Variants in LYRM7 observed in about 807,000 individuals in gnomAD.
LYRM7 encodes the protein LYR motif containing 7.
LYRM7 carries 9 observed loss-of-function variants against 15.8 expected under a neutral mutation model. The ratio of observed to expected loss-of-function variants is 0.57; its 90% confidence interval spans 0.34 to 0.99. LYRM7 has a LOEUF of 0.99. LYRM7 is among the 50% of genes least tolerant of loss of function. The probability of loss-of-function intolerance (pLI) is 0.02; values close to 1 mark genes in which losing one functional copy is unlikely to be tolerated. For synonymous variants in LYRM7, 39 were observed against 39.4 expected (o/e 0.99, Z 0.04); for missense variants, 115 against 119.1 (o/e 0.97, Z 0.16).
intron 3 of LYRM7, among the ~76,000 whole-genome samples, chr5:131,185,217 CTT>C (rs1755778767): frequency 6.6e-6 from 1 of 152,088 alleles, no homozygotes; most frequent in South Asian, 2.1e-4. Context: ...CCCCATGACT[CTT>C]CATCTCATTC....
chr5:131,199,748 T>A lies in LYRM7; in HGVS notation c.*147T>A. Reference sequence around the variant, plus strand: ...ATAGCTTCATATTTAAATTTCATGTTAAAAGGTCATTACTGAGAACTAAAG... The same window carrying A: ...ATAGCTTCATATTTAAATTTCATGTAAAAAGGTCATTACTGAGAACTAAAG... On this transcript the variant is annotated 3_prime_UTR_variant, in exon 5 of 5. Coordinates refer to ENST00000379380, the MANE Select transcript of LYRM7 (RefSeq NM_181705.4). 1 of 474,130 alleles carries A rather than the reference T, an allele frequency of 2.1e-6. No homozygotes were observed. Among genetic ancestry groups the A allele is most frequent in the Non-Finnish European group, 3.8e-6 (1 of 264,186 alleles). 29.4% of individuals were successfully genotyped at this position (474,130 alleles called of 1,614,324 possible). A position where few individuals can be genotyped will look rare whatever the true frequency, so the allele number is the denominator to read the frequency against.
chr5:131,195,018 C>T (rs1416456765), intron 4 of LYRM7, among the ~76,000 whole-genome samples: 1 of 152,162 alleles, frequency 6.6e-6, no homozygotes, highest in Non-Finnish European at 1.5e-5. Context: ...TATCCCGGCA[C>T]TTTGGGAGGC....
chr5:131,196,307 G>A (rs1057337913), intron 4 of LYRM7, among the ~76,000 whole-genome samples: 1 of 151,576 alleles, frequency 6.6e-6, no homozygotes, highest in Non-Finnish European at 1.5e-5. Context: ...GTGAACCACC[G>A]TGCTTGGCTT....
rs758634415 is a variant in LYRM7 at position 131,200,623 on chromosome 5, A to G, written c.*1022A>G. The G allele has an allele frequency of 6.6e-6, 1 of 152,314 alleles. No individual in the cohort carries two copies. The highest frequency in any genetic ancestry group is 1.5e-5 in the Non-Finnish European group (1 of 68,028). The allele number at this position is 152,314 out of a possible 1,614,324, so 9.4% of individuals were successfully genotyped here. A position where few individuals can be genotyped will look rare whatever the true frequency, so the allele number is the denominator to read the frequency against. On this transcript the variant is annotated 3_prime_UTR_variant, in exon 5 of 5. Transcript: ENST00000379380. ...ATGATACAGGGTTTTTAATTTTTGCAAGATTCTCAATGCAAGCATTGTTAT... is the reference window on the plus strand; with the variant it reads ...ATGATACAGGGTTTTTAATTTTTGCGAGATTCTCAATGCAAGCATTGTTAT...
chr5:131,183,462 CTT>C (rs1471127836), intron 3 of LYRM7, among the ~76,000 whole-genome samples: 4 of 152,214 alleles, frequency 2.6e-5, no homozygotes, highest in Non-Finnish European at 4.4e-5. Flanking sequence ...TGATTAAAGA[CTT>C]TTAAATTGAG....
intron 1 of LYRM7, among the ~76,000 whole-genome samples, chr5:131,178,551 A>G (rs1755634864): frequency 6.6e-6 from 1 of 152,180 alleles, no homozygotes. Flanking sequence ...ATATCACTAA[A>G]GCCTCTTCAC....
chr5:131,185,499 C>G (rs1755783889), intron 3 of LYRM7, among the ~76,000 whole-genome samples: 1 of 152,208 alleles, frequency 6.6e-6, no homozygotes, highest in African/African-American at 2.4e-5. Context: ...TTTACCCATG[C>G]ATGATTTTGT....
chr5:131,181,383 T>A (rs1338400262), intron 2 of LYRM7, among the ~76,000 whole-genome samples: 13 of 80,906 alleles, frequency 1.6e-4, no homozygotes, highest in African/African-American at 9.5e-4. Flanking sequence ...GTATATATAA[T>A]ATATACATAT....
At chr5:131,182,099 T>C (rs965918249) in intron 2 of LYRM7, 130 bp from the exon 3 acceptor site, 14 of 802,432 alleles carry the variant, frequency 1.7e-5, no homozygotes, top group East Asian at 5.1e-5. Context: ...CTTATTCTTA[T>C]GCTTTGTTTT....
At chr5:131,181,368 T>C (rs1421249031) in intron 2 of LYRM7, among the ~76,000 whole-genome samples, 3 of 30,564 alleles carry the variant, frequency 9.8e-5, no homozygotes, top group African/African-American at 9.6e-4. Flanking sequence ...TATTAACATA[T>C]ATATGTATAT....
chr5:131,175,197 C>CT (rs59140330), intron 1 of LYRM7, among the ~76,000 whole-genome samples: 16,405 of 125,594 alleles, frequency 0.13, 2,438 homozygotes, highest in African/African-American at 0.35. Context: ...GCTTCAATCT[C>CT]TTTTTTTTTT....
chr5:131,198,692 G>A (rs1756010638), intron 4 of LYRM7, among the ~76,000 whole-genome samples: 1 of 151,346 alleles, frequency 6.6e-6, no homozygotes, highest in African/African-American at 2.4e-5. Flanking sequence ...TCATTCTCCT[G>A]AGTAGCTGGG....
At chr5:131,186,981 A>G (rs1159414879) in intron 3 of LYRM7, 47 bp from the exon 4 acceptor site, 2 of 1,077,564 alleles carry the variant, frequency 1.9e-6, no homozygotes, top group African/African-American at 1.6e-5. Context: ...GTACATTCAT[A>G]TGAAACACCT....
chr5:131,192,321 T>A (rs189831821), intron 4 of LYRM7, among the ~76,000 whole-genome samples: 85 of 152,244 alleles, frequency 5.6e-4, no homozygotes, highest in Middle Eastern at 3.4e-3. Context: ...GGTCCAAAAT[T>A]ACAATTAGCT....
intron 4 of LYRM7, among the ~76,000 whole-genome samples, chr5:131,196,437 G>A (rs1377702852): frequency 6.6e-6 from 1 of 152,090 alleles, no homozygotes; most frequent in South Asian, 2.1e-4. Context: ...TGTCTATTCG[G>A]TGTTACTTCC....
At chr5:131,181,364 CAT>C (rs1380698374) in intron 2 of LYRM7, among the ~76,000 whole-genome samples, 1 of 22,140 alleles carries the variant, frequency 4.5e-5, no homozygotes, top group Non-Finnish European at 6.7e-5. Flanking sequence ...TATATATTAA[CAT>C]ATATATGTAT....
rs768718160 is a variant in LYRM7 at position 131,204,964 on chromosome 5, A to G, written c.*5363A>G. 13 of 152,322 alleles carry G rather than the reference A, an allele frequency of 8.5e-5. No homozygotes were observed. The highest frequency in any genetic ancestry group is 1.3e-4 in the Non-Finnish European group (9 of 68,020). The allele number at this position is 152,322 out of a possible 1,614,324, so 9.4% of individuals were successfully genotyped here. Reference sequence around the variant, plus strand: ...AATATTGTTTACAGTGAGTATATCAACATGTAAGTGTTAAAAGACAATAAG... The same window carrying G: ...AATATTGTTTACAGTGAGTATATCAGCATGTAAGTGTTAAAAGACAATAAG... On this transcript the variant is annotated 3_prime_UTR_variant, in exon 5 of 5. Coordinates refer to ENST00000379380, the MANE Select transcript of LYRM7 (RefSeq NM_181705.4).
At chr5:131,196,516 T>C (rs1755967860) in intron 4 of LYRM7, among the ~76,000 whole-genome samples, 1 of 152,038 alleles carries the variant, frequency 6.6e-6, no homozygotes, top group Non-Finnish European at 1.5e-5. Flanking sequence ...CCCTTTTCTC[T>C]CTTCTTCCCA....
Position 131,200,678 on chromosome 5 carries a change from GA to G in LYRM7, c.*1080del, listed in dbSNP as rs150788474. The G allele has an allele frequency of 5.3e-5, 8 of 152,286 alleles. No homozygotes were observed. Among genetic ancestry groups the G allele is most frequent in the Admixed American group, 2.0e-4 (3 of 15,262 alleles). The allele number at this position is 152,286 out of a possible 1,614,324, so 9.4% of individuals were successfully genotyped here. On this transcript the variant is annotated 3_prime_UTR_variant, in exon 5 of 5. Transcript: ENST00000379380. ...CTAGAAATTATACCTAGAGAAAAAT[GA>G]AAGTCGTTTCAAATTTGAAATTTGC...
Sources: allele counts gnomAD v4.1 joint callset (sites outside exome capture counted in the v4.1 genomes callset), GRCh38; gene constraint gnomAD v4.1.1; transcripts MANE v1.5; gene names NCBI Gene and HGNC (gene_info 2026-07-23, HGNC 2026-07-21).